The following TCF7L2 variants were observed in gnomAD, a reference collection of about 807,000 sequenced individuals.
TCF7L2 encodes transcription factor 7-like 2.
TCF7L2 carries 23 observed loss-of-function variants against 77.9 expected under a neutral mutation model. That is an observed-to-expected ratio of 0.30 (90% CI 0.21 to 0.42). The LOEUF (loss-of-function observed/expected upper bound fraction) is 0.42, where lower values mean the gene tolerates loss of function less well. Ranked by LOEUF, TCF7L2 falls within the 10% of genes least tolerant of loss-of-function variation. TCF7L2 has a pLI of 1.00. For missense variants in TCF7L2, 654 were observed against 793.1 expected (o/e 0.82, Z 2.11); for synonymous variants, 413 against 340.2 (o/e 1.21, Z -2.36).
chr10:113,128,934 C>T (rs1326764328), intron 5 of TCF7L2, among the ~76,000 whole-genome samples: 1 of 152,154 alleles, frequency 6.6e-6, no homozygotes, highest in Non-Finnish European at 1.5e-5. Flanking sequence ...TGCCGTTTCC[C>T]TTCCTTCTCT....
intron 5 of TCF7L2, among the ~76,000 whole-genome samples, chr10:113,076,360 A>G (rs933098632): frequency 6.6e-6 from 1 of 151,834 alleles, no homozygotes; most frequent in African/African-American, 2.4e-5. Flanking sequence ...CTGGTTTCGA[A>G]CTCCTGGCCT....
chr10:112,988,222 C>T (rs760436692), intron 4 of TCF7L2, among the ~76,000 whole-genome samples: 4 of 151,898 alleles, frequency 2.6e-5, no homozygotes, highest in Non-Finnish European at 5.9e-5. Context: ...CTCAGCCTCC[C>T]GAGTAGCTGG....
At chr10:113,126,207 G>A (rs992387164) in intron 5 of TCF7L2, 8 of 150,106 alleles carry the variant, frequency 5.3e-5, no homozygotes, top group African/African-American at 2.0e-4. Flanking sequence ...ATTGGTTTTT[G>A]TATCCCCCCA....
intron 12 of TCF7L2, 102 bp from the exon 14 acceptor site, chr10:113,159,817 TG>T (rs2072749559): frequency 1.6e-6 from 1 of 621,330 alleles, no homozygotes; most frequent in Admixed American, 2.6e-5. Context: ...TTTTCTTATT[TG>T]TATCTTTCTC....
chr10:113,031,078 G>C (rs906890578), intron 4 of TCF7L2, among the ~76,000 whole-genome samples: 7 of 152,210 alleles, frequency 4.6e-5, no homozygotes, highest in Non-Finnish European at 8.8e-5. Context: ...AGGCAAAAGA[G>C]TTCTGGCCTG....
chr10:113,045,283 G>A (rs1418917224), intron 5 of TCF7L2, among the ~76,000 whole-genome samples: 2 of 152,194 alleles, frequency 1.3e-5, no homozygotes, highest in Non-Finnish European at 2.9e-5. Flanking sequence ...TTGCTTCAGA[G>A]GCTGTGTTAC....
At position 113,049,636 on chromosome 10, in the gene TCF7L2, C is replaced by A. The variant is rs74157206; in HGVS notation, c.552+9510C>A. 4.9e-3 allele frequency among the ~76,000 whole-genome samples: 744 copies of A among 152,230 alleles called. 5 individuals carry two copies. Among genetic ancestry groups the A allele is most frequent in the African/African-American group, 0.017 (700 of 41,536 alleles). On this transcript the variant is annotated intron_variant, in intron 5 of 13. Coordinates refer to ENST00000627217, the MANE Select transcript of TCF7L2 (RefSeq NM_001146274.2). ...CTATCTCTGGTCTCCATAGCTCACTCCCATACTTTGAGAGGGCCTTTGAAA... is the reference window on the plus strand; with the variant it reads ...CTATCTCTGGTCTCCATAGCTCACTACCATACTTTGAGAGGGCCTTTGAAA...
chr10:113,021,535 A>G (rs1260885238), intron 4 of TCF7L2, among the ~76,000 whole-genome samples: 1 of 152,124 alleles, frequency 6.6e-6, no homozygotes, highest in Non-Finnish European at 1.5e-5. Flanking sequence ...TGGGTGTACT[A>G]CTATAAGCTG....
intron 8 of TCF7L2, among the ~76,000 whole-genome samples, chr10:113,148,801 T>C (rs2070072483): frequency 6.6e-6 from 1 of 152,220 alleles, no homozygotes; most frequent in Non-Finnish European, 1.5e-5. Context: ...ACATGGTCTC[T>C]TTCTTTGCTG....
intron 5 of TCF7L2, among the ~76,000 whole-genome samples, chr10:113,114,408 T>A (rs1373356356): frequency 1.3e-5 from 2 of 152,156 alleles, no homozygotes; most frequent in Non-Finnish European, 2.9e-5. Context: ...AGCTCTGACT[T>A]TTTGGTCCTT....
intron 6 of TCF7L2, among the ~76,000 whole-genome samples, chr10:113,142,352 G>A (rs2068532349): frequency 6.6e-6 from 1 of 152,182 alleles, no homozygotes; most frequent in Non-Finnish European, 1.5e-5. Context: ...GAGAGGGAGG[G>A]AAGGTGGGGT....
At chr10:113,102,690 T>C (rs1479406001) in intron 5 of TCF7L2, among the ~76,000 whole-genome samples, 1 of 152,130 alleles carries the variant, frequency 6.6e-6, no homozygotes, top group African/African-American at 2.4e-5. Context: ...CCCCTCTAAG[T>C]ACTGGGATTA....
chr10:112,974,337 A>G (rs11196174), intron 4 of TCF7L2, among the ~76,000 whole-genome samples: 30,438 of 152,238 alleles, frequency 0.2, 3,978 homozygotes, highest in Middle Eastern at 0.34. Context: ...TGGAACTACC[A>G]GAAAGAAAAA....
intron 5 of TCF7L2, among the ~76,000 whole-genome samples, chr10:113,080,367 C>G (rs2059200210): frequency 6.6e-6 from 1 of 151,858 alleles, no homozygotes; most frequent in Admixed American, 6.6e-5. Flanking sequence ...TGTGGATGCC[C>G]TGGGTATATA....
At chr10:113,034,893 C>G (rs530241241) in intron 4 of TCF7L2, among the ~76,000 whole-genome samples, 1 of 152,248 alleles carries the variant, frequency 6.6e-6, no homozygotes, top group East Asian at 1.9e-4. Context: ...AAGACTGTAT[C>G]TCAAAAATAC....
At chr10:112,986,278 T>A (rs562604882) in intron 4 of TCF7L2, among the ~76,000 whole-genome samples, 1 of 152,192 alleles carries the variant, frequency 6.6e-6, no homozygotes, top group Admixed American at 6.5e-5. Flanking sequence ...TCTCTCTTCC[T>A]CTCTTGCCTT....
intron 6 of TCF7L2, among the ~76,000 whole-genome samples, chr10:113,143,173 G>A (rs1173855408): frequency 3.3e-5 from 5 of 152,250 alleles, no homozygotes; most frequent in Non-Finnish European, 7.3e-5. Context: ...GCGGTGGCAC[G>A]TACTTGCAGA....
chr10:113,099,650 C>T (rs1393625269), intron 5 of TCF7L2, among the ~76,000 whole-genome samples: 1 of 152,212 alleles, frequency 6.6e-6, no homozygotes, highest in African/African-American at 2.4e-5. Flanking sequence ...GAGGTGACCC[C>T]CGAGCTCCCA....
chr10:113,107,609 G>C (rs534691192), intron 5 of TCF7L2, among the ~76,000 whole-genome samples: 66 of 151,934 alleles, frequency 4.3e-4, no homozygotes, highest in African/African-American at 1.2e-3. Flanking sequence ...CGGGCGTGGT[G>C]GCGAGTACCT....
Sources: gnomAD v4.1 joint callset for allele counts (sites outside exome capture counted in the v4.1 genomes callset) on GRCh38, gnomAD v4.1.1 for gene constraint, MANE v1.5 for transcripts, NCBI Gene and HGNC (gene_info 2026-07-23, HGNC 2026-07-21) for gene names.